Variants in DIAPH3 observed in about 807,000 individuals in gnomAD.
DIAPH3 encodes diaphanous related formin 3, also known as protein diaphanous homolog 3.
A neutral mutation model predicts 144.3 loss-of-function variants in DIAPH3; 117 were observed. The observed-to-expected ratio is 0.81, with a 90% CI of 0.70 to 0.95. The LOEUF (loss-of-function observed/expected upper bound fraction) is 0.95, where lower values mean the gene tolerates loss of function less well. Among genes scored for constraint, DIAPH3 ranks in the 40% least tolerant of loss-of-function variants. DIAPH3 has a pLI of 0.00. For missense variants in DIAPH3, 1,421 were observed against 1,412.7 expected (o/e 1.01, Z -0.09); for synonymous variants, 519 against 488.9 (o/e 1.06, Z -0.81).
intron 27 of DIAPH3, among the ~76,000 whole-genome samples, chr13:59,772,246 T>G (rs1049564087): frequency 1.3e-5 from 2 of 152,088 alleles, no homozygotes; most frequent in African/African-American, 4.8e-5. Context: ...AAATCCTGCA[T>G]TTTTGAACAT....
intron 1 of DIAPH3, among the ~76,000 whole-genome samples, chr13:60,133,340 A>T (rs1358791482): frequency 6.6e-6 from 1 of 152,096 alleles, no homozygotes; most frequent in Non-Finnish European, 1.5e-5. Context: ...ATGAGGGCAC[A>T]TAGAAAAAAT....
At chr13:59,696,443 T>C (rs980936690) in intron 27 of DIAPH3, among the ~76,000 whole-genome samples, 4 of 152,214 alleles carry the variant, frequency 2.6e-5, no homozygotes, top group East Asian at 3.8e-4. Context: ...CCTGTTACCA[T>C]GACAGGGAGG....
intron 4 of DIAPH3, among the ~76,000 whole-genome samples, chr13:60,044,520 A>T (rs1286028385): frequency 6.6e-6 from 1 of 152,168 alleles, no homozygotes. Context: ...AACATATTCA[A>T]CTTGTACCAA....
In DIAPH3 at chr13:60,042,310, A is replaced by G. The variant is rs1366974626; in HGVS notation, c.626+380T>C. ...CTACAACGACATCATTTCCAACAAC[A>G]GAAAAAATTAATTAGTGGTATTTCT... On this transcript the variant is annotated intron_variant, in intron 5 of 27. Coordinates refer to ENST00000400324, the MANE Select transcript of DIAPH3 (RefSeq NM_001042517.2). Among the ~76,000 whole-genome samples the G allele has an allele frequency of 5.1e-4, 78 of 152,338 alleles. 1 individual carries two copies. Among genetic ancestry groups the G allele is most frequent in the Non-Finnish European group, 5.9e-5 (4 of 68,028 alleles).
chr13:59,899,890 GT>G (rs5803976), intron 20 of DIAPH3, among the ~76,000 whole-genome samples: 101,398 of 151,984 alleles, frequency 0.67, 35,572 homozygotes, highest in East Asian at 0.89. Context: ...AAACTCACAA[GT>G]TATTAGCAGC....
chr13:59,870,330 T>A (rs920599222), intron 21 of DIAPH3, among the ~76,000 whole-genome samples: 1 of 152,146 alleles, frequency 6.6e-6, no homozygotes, highest in Non-Finnish European at 1.5e-5. Context: ...AAATTATTTT[T>A]ATTTTTTTTC....
At chr13:59,733,525 A>G (rs948661634) in intron 27 of DIAPH3, among the ~76,000 whole-genome samples, 1 of 152,244 alleles carries the variant, frequency 6.6e-6, no homozygotes, top group Non-Finnish European at 1.5e-5. Flanking sequence ...AAAGAAAAAT[A>G]TATAACTTTG....
intron 8 of DIAPH3, 44 bp downstream of exon 8, chr13:60,010,488 TA>T: frequency 6.7e-7 from 1 of 1,498,452 alleles, no homozygotes; most frequent in Non-Finnish European, 9.1e-7. Flanking sequence ...AATCAATCTG[TA>T]TTAAATTATT....
chr13:59,911,761 A>G lies in DIAPH3; in HGVS notation c.2341T>C (p.Cys781Arg), dbSNP rs993605972. Reference sequence around the variant, plus strand: ...ACAACCACAAACTGCTCAGGTTCACATAAGTTGCTATATTCACTCTTGAAC... The same window carrying G: ...ACAACCACAAACTGCTCAGGTTCACGTAAGTTGCTATATTCACTCTTGAAC... ...SQFKSEYSNL[C>R]EPEQFVVVMS... Residue 781 changes from cysteine (C) to arginine (R), a missense_variant, in exon 20 of 28, where the codon TGT (cysteine) becomes CGT (arginine). Transcript: ENST00000400324. 5.0e-6 allele frequency: 8 copies of G among 1,613,548 alleles called. No homozygotes were observed. Among genetic ancestry groups the G allele is most frequent in the Middle Eastern group, 1.6e-4 (1 of 6,080 alleles).
At chr13:60,092,355 T>C (rs146284807) in intron 4 of DIAPH3, among the ~76,000 whole-genome samples, 2 of 152,152 alleles carry the variant, frequency 1.3e-5, no homozygotes, top group Non-Finnish European at 2.9e-5. Flanking sequence ...CCCATCTATA[T>C]AGAGAGCTAA....
chr13:60,001,391 A>G (rs2052522728), intron 9 of DIAPH3, among the ~76,000 whole-genome samples: 1 of 152,220 alleles, frequency 6.6e-6, no homozygotes, highest in Non-Finnish European at 1.5e-5. Flanking sequence ...ACTGTAGCTC[A>G]GTCATTCTGT....
intron 1 of DIAPH3, among the ~76,000 whole-genome samples, chr13:60,159,316 A>C (rs980315048): frequency 6.6e-5 from 10 of 152,200 alleles, no homozygotes; most frequent in Non-Finnish European, 1.2e-4. Flanking sequence ...GAGAGAATTC[A>C]GGACAGTGAT....
intron 4 of DIAPH3, among the ~76,000 whole-genome samples, chr13:60,088,717 G>A (rs879433624): frequency 5.3e-5 from 8 of 152,106 alleles, no homozygotes; most frequent in Non-Finnish European, 8.8e-5. Context: ...CACCTCCTGG[G>A]TTCAAGCGAT....
intron 24 of DIAPH3, among the ~76,000 whole-genome samples, chr13:59,815,777 A>G (rs2040737731): frequency 6.6e-6 from 1 of 152,094 alleles, no homozygotes; most frequent in Non-Finnish European, 1.5e-5. Flanking sequence ...ATTTTTATAT[A>G]TGCTACTGAT....
intron 25 of DIAPH3, among the ~76,000 whole-genome samples, chr13:59,784,741 A>G (rs2038939376): frequency 6.6e-6 from 1 of 152,160 alleles, no homozygotes; most frequent in Non-Finnish European, 1.5e-5. Flanking sequence ...TTGGAATGGG[A>G]CTAGGGAAGG....
chr13:59,770,281 C>T (rs59642042), intron 27 of DIAPH3, among the ~76,000 whole-genome samples: 9,030 of 152,222 alleles, frequency 0.059, 333 homozygotes, highest in African/African-American at 0.092. Flanking sequence ...TATGTATTAA[C>T]AGTTCCATTC....
At chr13:59,741,340 G>A (rs763348739) in intron 27 of DIAPH3, among the ~76,000 whole-genome samples, 36 of 152,122 alleles carry the variant, frequency 2.4e-4, no homozygotes, top group Admixed American at 3.3e-4. Flanking sequence ...TACTCTTGCA[G>A]CATTTATGCT....
At chr13:59,932,175 A>G (rs1002455475) in intron 17 of DIAPH3, among the ~76,000 whole-genome samples, 3 of 152,166 alleles carry the variant, frequency 2.0e-5, no homozygotes, top group Non-Finnish European at 4.4e-5. Flanking sequence ...TTAAGAGCAG[A>G]CTGTAACTTT....
chr13:59,732,978 A>G (rs2035962126), intron 27 of DIAPH3, among the ~76,000 whole-genome samples: 1 of 152,128 alleles, frequency 6.6e-6, no homozygotes, highest in Non-Finnish European at 1.5e-5. Flanking sequence ...TTTGTTTTCA[A>G]TTTTTGGTAG....
Sources: allele counts gnomAD v4.1 joint callset (sites outside exome capture counted in the v4.1 genomes callset), GRCh38; gene constraint gnomAD v4.1.1; transcripts MANE v1.5; gene names NCBI Gene and HGNC (gene_info 2026-07-23, HGNC 2026-07-21).